The following SH2D5 variants were observed in gnomAD, a reference collection of about 807,000 sequenced individuals.
SH2D5 encodes the protein SH2 domain-containing protein 5.
SH2D5 carries 45 observed loss-of-function variants against 48.2 expected under a neutral mutation model. That is an observed-to-expected ratio of 0.93 (90% CI 0.73 to 1.20). The LOEUF (loss-of-function observed/expected upper bound fraction) is 1.20. SH2D5 is among the 50% of genes most tolerant of loss of function. The pLI, the probability that SH2D5 is intolerant of heterozygous loss-of-function variation, is 0.00. For missense variants in SH2D5, 538 were observed against 584.1 expected (o/e 0.92, Z 0.81); for synonymous variants, 230 against 249.8 (o/e 0.92, Z 0.75).
At chr1:20,723,530 C>T (rs2054729532) in intron 8 of SH2D5, 96 bp downstream of exon 8, 11 of 930,798 alleles carry the variant, frequency 1.2e-5, no homozygotes, top group East Asian at 5.3e-5. Context: ...GCGCTCTGCC[C>T]GTGCACGGGA....
chr1:20,724,710 C>T (rs2054762988), intron 5 of SH2D5, 75 bp from the exon 6 acceptor site: 4 of 1,440,750 alleles, frequency 2.8e-6, no homozygotes, highest in African/African-American at 2.8e-5. Context: ...GGCCTCAGCC[C>T]ACTCACCATG....
intron 4 of SH2D5, 97 bp downstream of exon 4, chr1:20,726,904 C>G (rs952819840): frequency 4.8e-5 from 50 of 1,044,224 alleles, no homozygotes; most frequent in Non-Finnish European, 6.4e-5. Context: ...GCACGGGGGC[C>G]GAGCTAAGGC....
chr1:20,727,148 A>AGCCTTTGGTGGATGG, intron 3 of SH2D5, 73 bp from the exon 4 acceptor site: 2 of 1,342,314 alleles, frequency 1.5e-6, no homozygotes, highest in Non-Finnish European at 2.1e-6. Flanking sequence ...CCTCAGGACC[A>AGCCTTTGGTGGATGG]TCCACCAAAG....
intron 1 of SH2D5, among the ~76,000 whole-genome samples, chr1:20,731,859 T>C (rs1415210809): frequency 2.0e-5 from 3 of 151,984 alleles, no homozygotes; most frequent in Non-Finnish European, 4.4e-5. Context: ...TGGGCTCCGC[T>C]GCAGGGGACG....
At position 20,720,884 on chromosome 1, in the gene SH2D5, A is replaced by G. The variant is rs2054671524; in HGVS notation, c.*908T>C. On this transcript the variant is annotated 3_prime_UTR_variant, in exon 10 of 10. Coordinates refer to ENST00000444387, the MANE Select transcript of SH2D5 (RefSeq NM_001103161.2). ...CATCGGACAGCCTCCCTCCCAAGGCAGCCACCAAACCACATGCGGTCGAGT... is the reference window on the plus strand; with the variant it reads ...CATCGGACAGCCTCCCTCCCAAGGCGGCCACCAAACCACATGCGGTCGAGT... 1 of 152,320 alleles carries G rather than the reference A, an allele frequency of 6.6e-6. No homozygotes were observed. The highest frequency in any genetic ancestry group is 1.5e-5 in the Non-Finnish European group (1 of 68,138). 9.4% of individuals were successfully genotyped at this position (152,320 alleles called of 1,614,324 possible).
chr1:20,729,706 C>T lies in SH2D5; in HGVS notation c.-42-1620G>A, dbSNP rs2154538707. On this transcript the variant is annotated intron_variant, in intron 1 of 9. Coordinates refer to ENST00000444387, the MANE Select transcript of SH2D5 (RefSeq NM_001103161.2). This position sits in a 1 kb window ranked among gnomAD's most constrained non-coding sequence, Gnocchi z 4.2. ...CCACTCAAGGAGGAGGGCTGGGGTG[C>T]TTTGGAACTGACTCTGTTAGCACCA... is the stretch of plus-strand genomic sequence containing the variant. Among the ~76,000 whole-genome samples, 1 of 152,248 alleles carries T rather than the reference C, an allele frequency of 6.6e-6. No individual in the cohort carries two copies. Among genetic ancestry groups the T allele is most frequent in the Admixed American group, 6.5e-5 (1 of 15,296 alleles).
rs1264649100 is a variant in SH2D5, at chr1:20,721,980, A to G, written c.1084T>C (p.Phe362Leu). The change falls in exon 10 of 10, where the codon TTC (phenylalanine) becomes CTC (leucine). Residue 362 changes from phenylalanine (F) to leucine (L), a missense_variant. Physicochemically the swap from Phe to Leu is conservative, Grantham distance 22. Coordinates refer to ENST00000444387, the MANE Select transcript of SH2D5 (RefSeq NM_001103161.2). The part of the protein sequence containing the change: ...RYCLEHLPAE[F>L]PSLEALVENH... Reference sequence around the variant, plus strand: ...TCCACCAGAGCCTCCAGGCTGGGGAACTCTGCCGGCAGGTGCTAGGGGAGG... The same window carrying G: ...TCCACCAGAGCCTCCAGGCTGGGGAGCTCTGCCGGCAGGTGCTAGGGGAGG... 1.2e-6 allele frequency: 2 copies of G among 1,612,730 alleles called. No individual in the cohort carries two copies. Among genetic ancestry groups the G allele is most frequent in the Admixed American group, 3.3e-5 (2 of 60,004 alleles).
At position 20,723,648 on chromosome 1, in the gene SH2D5, A is replaced by C; in HGVS notation, c.886T>G (p.Trp296Gly). ...TACCTGGAGATGCCAGCGAAGGCCC[A>C]GATGTTCTCCGTCAGGCTGCCCTCG... ...ESEGSLTENI[W>G]AFAGISRPCA... is the part of the protein sequence containing the mutation. The change falls in exon 8 of 10, where the codon TGG becomes GGG. Residue 296 changes from tryptophan to glycine, a missense_variant. Coordinates refer to ENST00000444387, the MANE Select transcript of SH2D5 (RefSeq NM_001103161.2). The C allele has an allele frequency of 6.2e-7, 1 of 1,612,886 alleles. No individual in the cohort carries two copies. The highest frequency in any genetic ancestry group is 8.5e-7 in the Non-Finnish European group (1 of 1,179,900).
In SH2D5 at chr1:20,721,768, C is replaced by T. The variant is rs1294630113; in HGVS notation, c.*24G>A. On this transcript the variant is annotated 3_prime_UTR_variant, in exon 10 of 10. Coordinates refer to ENST00000444387, the MANE Select transcript of SH2D5 (RefSeq NM_001103161.2). The stretch of plus-strand genomic sequence containing the variant: ...GCCCAGGAGCCGGGGTGAGGCGGGG[C>T]CTGTGGGACCGGGGCCCTACCTCTT... 6.7e-7 allele frequency: 1 copy of T among 1,493,864 alleles called. No homozygotes were observed. Among genetic ancestry groups the T allele is most frequent in the Admixed American group, 2.2e-5 (1 of 45,436 alleles). 92.5% of individuals were successfully genotyped at this position (1,493,864 alleles called of 1,614,324 possible). A position where few individuals can be genotyped will look rare whatever the true frequency, so the allele number is the denominator to read the frequency against.
rs3738144 is a variant in SH2D5, at chr1:20,720,911, A to G, written c.*881T>C. 0.14 allele frequency: 21,461 copies of G among 152,374 alleles called. 2,323 individuals are homozygous for G. The highest frequency in any genetic ancestry group is 0.3 in the African/African-American group (12,561 of 41,516). 9.4% of individuals were successfully genotyped at this position (152,374 alleles called of 1,614,324 possible). ...CCACCAAACCACATGCGGTCGAGTT[A>G]GGAAGGGCCCTGGTCACCCCTCTAA... On this transcript the variant is annotated 3_prime_UTR_variant, in exon 10 of 10. Coordinates refer to ENST00000444387, the MANE Select transcript of SH2D5 (RefSeq NM_001103161.2).
chr1:20,724,600 G>C lies in SH2D5; in HGVS notation c.426C>G (p.Phe142Leu). Reference protein sequence around the residue: ...QILHLLLCRSFQLAYLLQHPE... With the variant: ...QILHLLLCRSLQLAYLLQHPE... ...GGTGCTGCAAGAGGTAAGCCAGCTGGAAAGAGCGGCACAGCAGCAGGTGCA... is the reference window on the plus strand; with the variant it reads ...GGTGCTGCAAGAGGTAAGCCAGCTGCAAAGAGCGGCACAGCAGCAGGTGCA... The change falls in exon 6 of 10, where the codon TTC becomes TTG. Residue 142 changes from phenylalanine to leucine, a missense_variant. Phe to Leu is a conservative substitution (Grantham distance 22). Coordinates refer to ENST00000444387, the MANE Select transcript of SH2D5 (RefSeq NM_001103161.2). 6.3e-7 allele frequency: 1 copy of C among 1,589,020 alleles called. No individual in the cohort carries two copies. Among genetic ancestry groups the C allele is most frequent in the South Asian group, 1.1e-5 (1 of 88,808 alleles).
intron 4 of SH2D5, 118 bp downstream of exon 4, chr1:20,726,883 C>G: frequency 1.2e-6 from 1 of 809,734 alleles, no homozygotes; most frequent in South Asian, 2.5e-5. Context: ...GCCAGGGGGA[C>G]CCCAGGGGAA....
intron 9 of SH2D5, 104 bp from the exon 10 acceptor site, chr1:20,722,099 A>G: frequency 9.1e-7 from 1 of 1,104,922 alleles, no homozygotes; most frequent in Non-Finnish European, 1.3e-6. Context: ...AGAGCAGGGA[A>G]CGGAGCCCAG....
rs1557618990 is a variant in SH2D5, at chr1:20,727,508, T to G, written c.168+15A>C. ...TGTGACTTCCACTAGGGAAGTGCCC[T>G]CCCAGGCCACCCACCTTCAGCGCCC... On this transcript the variant is annotated intron_variant, in intron 3 of 9. Coordinates refer to ENST00000444387, the MANE Select transcript of SH2D5 (RefSeq NM_001103161.2). The G allele has an allele frequency of 6.3e-7, 1 of 1,588,924 alleles. No homozygotes were observed. The highest frequency in any genetic ancestry group is 1.8e-5 in the Admixed American group (1 of 55,904).
intron 5 of SH2D5, 141 bp from the exon 6 acceptor site, chr1:20,724,776 C>T: frequency 9.1e-7 from 1 of 1,094,192 alleles, no homozygotes; most frequent in Non-Finnish European, 1.3e-6. Flanking sequence ...GGGAAAGCTC[C>T]TACTTACCCT....
At position 20,726,074 on chromosome 1, in the gene SH2D5, G is replaced by A; in HGVS notation, c.244-8C>T. On this transcript the variant is annotated splice_region_variant and splice_polypyrimidine_tract_variant and intron_variant, in intron 4 of 9. Transcript: ENST00000444387. ...ATGAGCCATCAGCAGCACCTGGCGA[G>A]GCAGCAGTGTGAGGCCCCCATCAGA... The A allele has an allele frequency of 6.3e-7, 1 of 1,589,854 alleles. No homozygotes were observed. Among genetic ancestry groups the A allele is most frequent in the Non-Finnish European group, 8.6e-7 (1 of 1,168,580 alleles).
intron 1 of SH2D5, among the ~76,000 whole-genome samples, chr1:20,730,427 C>G (rs763074969): frequency 1.3e-5 from 2 of 152,174 alleles, no homozygotes; most frequent in South Asian, 4.2e-4. Flanking sequence ...CCTCCCTCCA[C>G]ACCCAAAGCT....
intron 1 of SH2D5, chr1:20,730,796 A>C (rs1463869076): frequency 6.6e-6 from 1 of 152,312 alleles, no homozygotes; most frequent in Admixed American, 6.5e-5. Context: ...GCACCTTCCG[A>C]AGGGGACACA....
intron 7 of SH2D5, 44 bp downstream of exon 7, chr1:20,724,039 C>T (rs370251408): frequency 1.4e-5 from 22 of 1,589,014 alleles, no homozygotes; most frequent in Middle Eastern, 2.2e-4. Context: ...CGCACGGGCA[C>T]GTGTCCCAGG....
Sources: allele counts gnomAD v4.1 joint callset (sites outside exome capture counted in the v4.1 genomes callset), GRCh38; gene constraint gnomAD v4.1.1; non-coding constraint Gnocchi (gnomAD v3.1); transcripts MANE v1.5; gene names NCBI Gene and HGNC (gene_info 2026-07-23, HGNC 2026-07-21).